FILIP1L: variants seen among roughly 807,000 people sequenced by gnomAD.
The protein encoded by FILIP1L is filamin A interacting protein 1 like, also known as filamin A-interacting protein 1-like.
Under a neutral mutation model 96.6 loss-of-function variants are expected in FILIP1L, and 55 were observed. The observed-to-expected ratio is 0.57, with a 90% CI of 0.46 to 0.71. The LOEUF (loss-of-function observed/expected upper bound fraction) is 0.71. Ranked by LOEUF, FILIP1L falls within the 30% of genes least tolerant of loss-of-function variation. The pLI is 0.00. For synonymous variants in FILIP1L, 467 were observed against 473.9 expected (o/e 0.99, Z 0.19); for missense variants, 1,304 against 1,321.2 (o/e 0.99, Z 0.20).
intron 5 of FILIP1L, chr3:99,833,324 G>C (rs1942763354): frequency 7.0e-7 from 1 of 1,422,074 alleles, no homozygotes; most frequent in Middle Eastern, 1.8e-4. Context: ...AAAAGTGTTG[G>C]TTTGTTTTAT....
At chr3:100,008,272 CAGCAAT>C (rs1710044851) in intron 1 of FILIP1L, among the ~76,000 whole-genome samples, 1 of 152,114 alleles carries the variant, frequency 6.6e-6, no homozygotes, top group African/African-American at 2.4e-5. Flanking sequence ...GATTCCCTGC[CAGCAAT>C]AGCATAGACT....
In FILIP1L at chr3:99,850,865, G is replaced by C; in HGVS notation, c.811C>G (p.His271Asp). The C allele has an allele frequency of 6.2e-7, 1 of 1,614,142 alleles. No homozygotes were observed. The highest frequency in any genetic ancestry group is 1.6e-4 in the Middle Eastern group (1 of 6,062). Residue 271 changes from histidine (H) to aspartate (D), a missense_variant, in exon 5 of 6, where the codon CAT (histidine) becomes GAT (aspartate). Transcript: ENST00000477258. ...QELTTNAKET[H>D]TKLALAEARV... ...GCTTCAGCAAGGGCTAGTTTGGTAT[G>C]TGTTTCCTTTGCATTTGTGGTCAGC...
intron 4 of FILIP1L, among the ~76,000 whole-genome samples, chr3:99,917,135 A>T (rs937814654): frequency 7.2e-5 from 11 of 152,286 alleles, no homozygotes; most frequent in Admixed American, 4.6e-4. Context: ...CCAGCTAGTT[A>T]GTAGATGTAT....
Position 99,848,580 on chromosome 3 carries a change from G to A in FILIP1L, c.3096C>T (p.Phe1032=), listed in dbSNP as rs549292963. The A allele has an allele frequency of 3.0e-4, 479 of 1,614,190 alleles. 8 individuals carry two copies. In the South Asian group the frequency reaches 4.4e-3, roughly 15 times the overall value. Residue 1032 remains phenylalanine, a synonymous_variant, in exon 5 of 6, where the codon TTC becomes TTT. Transcript: ENST00000477258. The stretch of plus-strand genomic sequence containing the variant: ...ATGACTGCCGGTCTGGGGAGACTCT[G>A]AATATCGCATGCTTGGCACTGATTT... ...PTEISAKHAI[F]RVSPDRQSSW...
intron 4 of FILIP1L, among the ~76,000 whole-genome samples, chr3:99,880,856 G>A (rs538294330): frequency 1.8e-4 from 27 of 152,014 alleles, no homozygotes; most frequent in Non-Finnish European, 3.4e-4. Flanking sequence ...CATCATTTTC[G>A]TAGTGTGGAT....
At chr3:100,051,747 G>A (rs945757133) in intron 1 of FILIP1L, among the ~76,000 whole-genome samples, 6 of 151,320 alleles carry the variant, frequency 4.0e-5, no homozygotes, top group Admixed American at 6.6e-5. Flanking sequence ...TCTTAATCTA[G>A]TCGATCATTG....
chr3:99,857,318 A>G (rs1189483172), intron 4 of FILIP1L, among the ~76,000 whole-genome samples: 1 of 152,238 alleles, frequency 6.6e-6, no homozygotes, highest in Non-Finnish European at 1.5e-5. Context: ...AGAAAGAATC[A>G]ACACTGTTGG....
chr3:99,966,196 G>A (rs1251018009), intron 1 of FILIP1L, among the ~76,000 whole-genome samples: 1 of 152,144 alleles, frequency 6.6e-6, no homozygotes, highest in African/African-American at 2.4e-5. Flanking sequence ...TTCTTAACTT[G>A]GGAGGAGTTT....
chr3:100,012,238 T>C (rs751112584), intron 1 of FILIP1L, among the ~76,000 whole-genome samples: 2 of 152,214 alleles, frequency 1.3e-5, no homozygotes, highest in Non-Finnish European at 2.9e-5. Context: ...TATATCTTTA[T>C]ACTAGAAAGA....
chr3:99,848,469 A>G lies in FILIP1L; in HGVS notation c.3207T>C (p.Pro1069=). 1 of 1,614,180 alleles carries G rather than the reference A, an allele frequency of 6.2e-7. No individual in the cohort carries two copies. Among genetic ancestry groups the G allele is most frequent in the South Asian group, 1.1e-5 (1 of 91,078 alleles). Residue 1069 remains proline, a synonymous_variant, in exon 5 of 6, where the codon CCT becomes CCC. Transcript: ENST00000477258. Reference sequence around the variant, plus strand: ...CAGGGCTGGCTACAGCTTGCATGTAAGGACTTCCTAAGTGAATGTGGATTT... The same window carrying G: ...CAGGGCTGGCTACAGCTTGCATGTAGGGACTTCCTAAGTGAATGTGGATTT... ...DNKIHIHLGS[P]YMQAVASPVR...
chr3:99,977,697 T>C (rs80132212), intron 1 of FILIP1L, among the ~76,000 whole-genome samples: 1 of 152,188 alleles, frequency 6.6e-6, no homozygotes, highest in African/African-American at 2.4e-5. Context: ...TTCTAAATTT[T>C]ATCAGAAAAA....
chr3:99,939,078 G>A (rs4577503), intron 1 of FILIP1L, among the ~76,000 whole-genome samples: 84,657 of 152,020 alleles, frequency 0.56, 24,062 homozygotes, highest in East Asian at 0.72. Context: ...GGAAAGTGGG[G>A]ATGTATGATT....
chr3:100,110,439 A>G (rs1235421032), intron 1 of FILIP1L, among the ~76,000 whole-genome samples: 1 of 152,104 alleles, frequency 6.6e-6, no homozygotes. Context: ...CCAATTTCCT[A>G]GTCAAGTGAT....
In FILIP1L at chr3:99,851,010, C is replaced by T; in HGVS notation, c.666G>A (p.Glu222=). 1.2e-6 allele frequency: 2 copies of T among 1,612,656 alleles called. No homozygotes were observed. Among genetic ancestry groups the T allele is most frequent in the Non-Finnish European group, 1.7e-6 (2 of 1,179,772 alleles). Residue 222 remains glutamate (E), a synonymous_variant, in exon 5 of 6, where the codon GAG becomes GAA. Coordinates refer to ENST00000477258, the MANE Select transcript of FILIP1L (RefSeq NM_001387850.1). The stretch of plus-strand genomic sequence containing the variant: ...CCTCTTTCAGGGTGGTGACCCTTTT[C>T]TCCTTTTCTTGCTCCTTCTCCTCCT... ...KSQEEKEQEK[E]KRVTTLKEEL... is the part of the protein sequence containing the mutation.
intron 1 of FILIP1L, among the ~76,000 whole-genome samples, chr3:100,047,235 A>G (rs902293856): frequency 1.3e-5 from 2 of 152,156 alleles, no homozygotes; most frequent in South Asian, 2.1e-4. Flanking sequence ...AAGTGTTGTT[A>G]TTTTCTTCTT....
At chr3:99,875,012 A>G (rs993112915) in intron 4 of FILIP1L, among the ~76,000 whole-genome samples, 1 of 152,192 alleles carries the variant, frequency 6.6e-6, no homozygotes, top group African/African-American at 2.4e-5. Flanking sequence ...TACTTATAAA[A>G]CATAGAGACT....
At chr3:99,988,593 A>G (rs1439897717) in intron 1 of FILIP1L, among the ~76,000 whole-genome samples, 1 of 152,042 alleles carries the variant, frequency 6.6e-6, no homozygotes, top group East Asian at 1.9e-4. Flanking sequence ...TTTCTCTTAT[A>G]AGAAAAACTT....
chr3:99,844,425 G>GA (rs147960616), intron 5 of FILIP1L, among the ~76,000 whole-genome samples: 1 of 151,976 alleles, frequency 6.6e-6, no homozygotes, highest in East Asian at 1.9e-4. Context: ...TTATTTGGAG[G>GA]AAAAAAATCT....
chr3:99,913,294 A>G (rs189177545), intron 4 of FILIP1L, among the ~76,000 whole-genome samples: 23 of 152,308 alleles, frequency 1.5e-4, no homozygotes, highest in Admixed American at 1.0e-3. Context: ...ACTATTTTCC[A>G]ATGCACCATT....
Sources: allele counts gnomAD v4.1 joint callset (sites outside exome capture counted in the v4.1 genomes callset), GRCh38; gene constraint gnomAD v4.1.1; transcripts MANE v1.5; gene names NCBI Gene and HGNC (gene_info 2026-07-23, HGNC 2026-07-21).